DENND1A: variants seen among roughly 807,000 people sequenced by gnomAD.
The protein encoded by DENND1A is DENN domain-containing protein 1A.
Under a neutral mutation model 113.7 loss-of-function variants are expected in DENND1A, and 51 were observed. The observed-to-expected ratio is 0.45, with a 90% CI of 0.36 to 0.57. The LOEUF is 0.57. DENND1A is among the 20% of genes least tolerant of loss of function. The probability of loss-of-function intolerance (pLI) is 0.00; values close to 1 mark genes in which losing one functional copy is unlikely to be tolerated. For missense variants in DENND1A, 1,258 were observed against 1,395.9 expected, an observed-to-expected ratio of 0.90 and a Z score of 1.57; for synonymous variants, 565 against 570.8, an observed-to-expected ratio of 0.99 and a Z score of 0.14.
intron 3 of DENND1A, among the ~76,000 whole-genome samples, chr9:123,787,491 C>T (rs761743214): frequency 1.3e-5 from 2 of 152,088 alleles, no homozygotes; most frequent in African/African-American, 4.8e-5. Flanking sequence ...TTATCTCTAC[C>T]GTCTCTCTAA....
chr9:123,864,904 C>G (rs1413531831), intron 2 of DENND1A, among the ~76,000 whole-genome samples: 1 of 152,208 alleles, frequency 6.6e-6, no homozygotes, highest in Non-Finnish European at 1.5e-5. Flanking sequence ...ATTCCAGTCA[C>G]TGTTCTAGGT....
intron 12 of DENND1A, among the ~76,000 whole-genome samples, 171 bp from the exon 13 acceptor site, chr9:123,557,866 C>A (rs1279685149): frequency 1.3e-5 from 2 of 152,104 alleles, no homozygotes; most frequent in Non-Finnish European, 2.9e-5. Flanking sequence ...GTGGCACACA[C>A]CTGTAGTCCC....
chr9:123,699,396 A>C (rs1024700797), intron 5 of DENND1A, among the ~76,000 whole-genome samples: 2 of 152,176 alleles, frequency 1.3e-5, no homozygotes, highest in African/African-American at 4.8e-5. Context: ...TCTGTATATT[A>C]CATATATTAT....
At chr9:123,423,908 C>T (rs1360826445) in intron 19 of DENND1A, among the ~76,000 whole-genome samples, 1 of 152,148 alleles carries the variant, frequency 6.6e-6, no homozygotes, top group Non-Finnish European at 1.5e-5. Flanking sequence ...TTTTAAGGGG[C>T]TACCCGTAAA....
intron 19 of DENND1A, among the ~76,000 whole-genome samples, chr9:123,424,079 G>A (rs1395147832): frequency 6.6e-6 from 1 of 152,176 alleles, no homozygotes; most frequent in African/African-American, 2.4e-5. Context: ...CACTCTGGGA[G>A]AGTATAAAAA....
chr9:123,689,086 G>A (rs1030405538), intron 5 of DENND1A, among the ~76,000 whole-genome samples: 4 of 152,202 alleles, frequency 2.6e-5, no homozygotes, highest in Admixed American at 6.5e-5. Flanking sequence ...GTGCAGTGGC[G>A]TGATCTCGGC....
intron 13 of DENND1A, among the ~76,000 whole-genome samples, chr9:123,536,103 A>C (rs1212704509): frequency 6.6e-6 from 1 of 152,192 alleles, no homozygotes; most frequent in African/African-American, 2.4e-5. Flanking sequence ...TGAACCCCCA[A>C]ATGCAAGCAG....
intron 5 of DENND1A, among the ~76,000 whole-genome samples, chr9:123,742,461 TA>T (rs773717578): frequency 1.3e-5 from 2 of 152,244 alleles, no homozygotes; most frequent in African/African-American, 2.4e-5. Context: ...AATTTTTCTG[TA>T]ATCCCTTGAG....
intron 2 of DENND1A, among the ~76,000 whole-genome samples, chr9:123,819,537 T>A (rs1015015649): frequency 2.0e-5 from 3 of 152,198 alleles, no homozygotes; most frequent in Non-Finnish European, 2.9e-5. Context: ...TATTTTTTTA[T>A]TTTTGAGACA....
Position 123,403,472 on chromosome 9 carries a change from G to A in DENND1A, c.1561C>T (p.His521Tyr). Reference sequence around the variant, plus strand: ...TTGCTCTTTGGTCTCTTAACAACATGTGGACGAGGTGGGCGCACCTAGAGG... The same window carrying A: ...TTGCTCTTTGGTCTCTTAACAACATATGGACGAGGTGGGCGCACCTAGAGG... Reference protein sequence around the residue: ...RSRPVRPPRPHVVKRPKSNIA... With the variant: ...RSRPVRPPRPYVVKRPKSNIA... The change falls in exon 21 of 24, where the codon CAT becomes TAT. Residue 521 changes from histidine (H) to tyrosine (Y), a missense_variant. By Grantham distance (83) the His-to-Tyr change is moderately conservative. Transcript: ENST00000394215. The A allele has an allele frequency of 6.2e-7, 1 of 1,614,180 alleles. No individual in the cohort carries two copies. Among genetic ancestry groups the A allele is most frequent in the Non-Finnish European group, 8.5e-7 (1 of 1,180,032 alleles).
intron 11 of DENND1A, among the ~76,000 whole-genome samples, chr9:123,593,690 T>C (rs1316541260): frequency 6.6e-6 from 1 of 152,148 alleles, no homozygotes; most frequent in Non-Finnish European, 1.5e-5. Context: ...ATGGCTAAAA[T>C]TAAACCAAAA....
intron 5 of DENND1A, among the ~76,000 whole-genome samples, chr9:123,728,485 A>C (rs1434205934): frequency 1.5e-5 from 2 of 133,652 alleles, no homozygotes; most frequent in Admixed American, 7.2e-5. Context: ...CTCCCAAAAA[A>C]AAAAAAAAAA....
At chr9:123,474,232 T>A (rs1483372514) in intron 13 of DENND1A, among the ~76,000 whole-genome samples, 1 of 152,142 alleles carries the variant, frequency 6.6e-6, no homozygotes, top group East Asian at 1.9e-4. Flanking sequence ...TGACATCAAG[T>A]GATCCACCCG....
chr9:123,514,648 G>C (rs1360810584), intron 13 of DENND1A, among the ~76,000 whole-genome samples: 1 of 152,180 alleles, frequency 6.6e-6, no homozygotes, highest in Non-Finnish European at 1.5e-5. Context: ...TATGTAAAGG[G>C]AGAAAACTAG....
At position 123,450,706 on chromosome 9, in the gene DENND1A, C is replaced by A; in HGVS notation, c.1343G>T (p.Arg448Leu). The A allele has an allele frequency of 6.2e-7, 1 of 1,609,992 alleles. No homozygotes were observed. Among genetic ancestry groups the A allele is most frequent in the Non-Finnish European group, 8.5e-7 (1 of 1,179,018 alleles). Residue 448 changes from arginine (R) to leucine (L), a missense_variant, in exon 18 of 24, where the codon CGC becomes CTC. By Grantham distance (102) the Arg-to-Leu change is moderately radical. This residue lies in a region of DENND1A where 1,159 missense variants were observed against 1,231.7 expected (regional missense o/e 0.94). Coordinates refer to ENST00000394215, the MANE Select transcript of DENND1A (RefSeq NM_001352964.2). ...AKMGIKEVKN[R>L]LKQKDIAENG... ...AACTTCAAGTACCTTTTGCTTCAAG[C>A]GGTTTTTCACCTCTTTTATTCCCAT...
chr9:123,806,103 G>A (rs1438256668), intron 2 of DENND1A, among the ~76,000 whole-genome samples: 1 of 151,164 alleles, frequency 6.6e-6, no homozygotes, highest in African/African-American at 2.4e-5. Context: ...ACAAGCACCC[G>A]CCACCATGCC....
intron 19 of DENND1A, chr9:123,414,124 G>A: frequency 2.0e-6 from 2 of 1,000,828 alleles, no homozygotes; most frequent in South Asian, 4.4e-5. Context: ...GACAGTTTTG[G>A]AGAGAACCCC....
intron 13 of DENND1A, among the ~76,000 whole-genome samples, chr9:123,547,325 T>C (rs2056765573): frequency 1.3e-5 from 2 of 152,160 alleles, no homozygotes; most frequent in African/African-American, 2.4e-5. Flanking sequence ...AGGTTGGGAG[T>C]TTGGGACCAG....
intron 5 of DENND1A, among the ~76,000 whole-genome samples, chr9:123,693,407 A>G (rs1258486842): frequency 1.3e-5 from 2 of 152,120 alleles, no homozygotes; most frequent in Admixed American, 1.3e-4. Context: ...GATATAGAAC[A>G]CTTCCATCAC....
Sources: gnomAD v4.1 joint callset for allele counts (sites outside exome capture counted in the v4.1 genomes callset) on GRCh38, gnomAD v4.1.1 for gene constraint, gnomAD v4.1.1 regional missense constraint, MANE v1.5 for transcripts, NCBI Gene and HGNC (gene_info 2026-07-23, HGNC 2026-07-21) for gene names.